The following LMO7 variants were observed in gnomAD, a reference collection of about 807,000 sequenced individuals.
LMO7 encodes the protein LIM domain only protein 7.
A neutral mutation model predicts 206.5 loss-of-function variants in LMO7; 120 were observed. The ratio of observed to expected loss-of-function variants is 0.58; its 90% CI spans 0.50 to 0.68. The LOEUF (loss-of-function observed/expected upper bound fraction) is 0.68, where lower values mean the gene tolerates loss of function less well. LMO7 is among the 30% of genes least tolerant of loss of function. The probability of loss-of-function intolerance (pLI) is 0.00; values close to 1 mark genes in which losing one functional copy is unlikely to be tolerated. For synonymous variants in LMO7, 706 were observed against 681.5 expected, an observed-to-expected ratio of 1.04 and a Z score of -0.56; for missense variants, 1,959 against 1,957.9, an observed-to-expected ratio of 1.00 and a Z score of -0.01.
chr13:75,771,990 C>G (rs922203210), intron 4 of LMO7, among the ~76,000 whole-genome samples: 5 of 152,056 alleles, frequency 3.3e-5, no homozygotes, highest in African/African-American at 1.2e-4. Flanking sequence ...ATAGTGCAGT[C>G]TAATTCCAGT....
rs1039719848 is a variant in LMO7, at chr13:75,745,711, T to C, written c.211-15221T>C. On this transcript the variant is annotated intron_variant, in intron 3 of 30. Transcript: ENST00000377534. Reference sequence around the variant, plus strand: ...GGGCCTCATCCAGTCATGGAAGGCCTGACTAGAAAAAAAGGCCAGCCCTCC... The same window carrying C: ...GGGCCTCATCCAGTCATGGAAGGCCCGACTAGAAAAAAAGGCCAGCCCTCC... 7.9e-4 allele frequency among the ~76,000 whole-genome samples: 120 copies of C among 152,194 alleles called. 8 individuals carry two copies. Among genetic ancestry groups the C allele is most frequent in the Non-Finnish European group, 1.2e-4 (8 of 68,030 alleles).
chr13:75,749,568 C>T (rs568320837), intron 3 of LMO7, among the ~76,000 whole-genome samples: 4 of 152,100 alleles, frequency 2.6e-5, no homozygotes, highest in South Asian at 2.1e-4. Flanking sequence ...TTTACCAGAA[C>T]GCTCAGCCCT....
chr13:75,727,783 AC>A (rs1333425309), intron 3 of LMO7, among the ~76,000 whole-genome samples: 1 of 112,074 alleles, frequency 8.9e-6, no homozygotes, highest in African/African-American at 3.4e-5. Context: ...CCCTCCCCCA[AC>A]CCCACAACAG....
At chr13:75,831,970 A>G (rs975669829) in intron 15 of LMO7, among the ~76,000 whole-genome samples, 2 of 152,174 alleles carry the variant, frequency 1.3e-5, no homozygotes. Context: ...AGAAAGCTTT[A>G]TGAAGTGCCC....
At chr13:75,776,161 G>GTATATATATA (rs2050379972) in intron 4 of LMO7, among the ~76,000 whole-genome samples, 1 of 16,876 alleles carries the variant, frequency 5.9e-5, no homozygotes, top group Non-Finnish European at 1.3e-4. Context: ...TATATATATC[G>GTATATATATA]GATATATATA....
At position 75,636,410 on chromosome 13, in the gene LMO7, C is replaced by T; in HGVS notation, c.-248C>T. The T allele has an allele frequency of 4.5e-6, 6 of 1,335,366 alleles. No homozygotes were observed. The highest frequency in any genetic ancestry group is 1.5e-5 in the African/African-American group (1 of 64,830). 82.7% of individuals were successfully genotyped at this position (1,335,366 alleles called of 1,614,324 possible). ...CGCGTCCTGCCTGACTGCCCGGGTCCCCGCGGGCCTTGGGTCGCTTTCAGG... is the reference window on the plus strand; with the variant it reads ...CGCGTCCTGCCTGACTGCCCGGGTCTCCGCGGGCCTTGGGTCGCTTTCAGG... On this transcript the variant is annotated 5_prime_UTR_variant, in exon 1 of 31. Coordinates refer to ENST00000377534, the MANE Select transcript of LMO7 (RefSeq NM_001306080.2).
At chr13:75,700,629 C>T (rs769317504) in intron 1 of LMO7, among the ~76,000 whole-genome samples, 2 of 152,224 alleles carry the variant, frequency 1.3e-5, no homozygotes, top group African/African-American at 2.4e-5. Flanking sequence ...ACTCTTTGTG[C>T]TTTGGCACCA....
chr13:75,764,789 TATC>T (rs1397867977), intron 4 of LMO7, among the ~76,000 whole-genome samples: 3 of 152,174 alleles, frequency 2.0e-5, no homozygotes, highest in East Asian at 3.9e-4. Context: ...CTGTTGATAA[TATC>T]ATTACAGAGT....
Position 75,672,109 on chromosome 13 carries a change from A to G in LMO7, c.69+35383A>G, listed in dbSNP as rs2039635631. On this transcript the variant is annotated intron_variant, in intron 1 of 30. Coordinates refer to ENST00000377534, the MANE Select transcript of LMO7 (RefSeq NM_001306080.2). ...ATCCCTGGATGTTCAAGTTCCTTATATAAGATTGTTAAACCTGCAGATACA... is the reference window on the plus strand; with the variant it reads ...ATCCCTGGATGTTCAAGTTCCTTATGTAAGATTGTTAAACCTGCAGATACA... Among the ~76,000 whole-genome samples, 3 of 152,184 alleles carry G rather than the reference A, an allele frequency of 2.0e-5. No individual in the cohort carries two copies. In the South Asian group the frequency reaches 6.2e-4, roughly 32 times the overall value.
chr13:75,828,732 G>A (rs2058362279), intron 15 of LMO7, among the ~76,000 whole-genome samples: 1 of 152,222 alleles, frequency 6.6e-6, no homozygotes, highest in South Asian at 2.1e-4. Flanking sequence ...AGGCAAGAGA[G>A]TAACTTAGGA....
chr13:75,814,828 C>T (rs2056807807), intron 11 of LMO7, among the ~76,000 whole-genome samples: 1 of 151,980 alleles, frequency 6.6e-6, no homozygotes, highest in Non-Finnish European at 1.5e-5. Context: ...GAGAGAGAAG[C>T]TATGTGGATA....
chr13:75,624,282 T>C (rs1299339955), intron 2 of LMO7, among the ~76,000 whole-genome samples: 1 of 152,234 alleles, frequency 6.6e-6, no homozygotes, highest in Non-Finnish European at 1.5e-5. Flanking sequence ...TGTAAACCTA[T>C]ATTTTGAATA....
Position 75,805,350 on chromosome 13 carries a change from G to A in LMO7, c.915-129G>A, listed in dbSNP as rs1402527877. On this transcript the variant is annotated intron_variant, in intron 8 of 30. Transcript: ENST00000377534. ...TAACTTTGTCCTAGGAGCTGTGGTG[G>A]TGATGAGAATGGAAACTAATTTGCT... 5 of 1,056,356 alleles carry A rather than the reference G, an allele frequency of 4.7e-6. No homozygotes were observed. The Admixed American group carries it at 1.4e-4, about 29-fold the overall frequency. The allele number at this position is 1,056,356 out of a possible 1,614,324, so 65.4% of individuals were successfully genotyped here. A position where few individuals can be genotyped will look rare whatever the true frequency, so the allele number is the denominator to read the frequency against.
chr13:75,825,651 C>T (rs574675027), intron 15 of LMO7, among the ~76,000 whole-genome samples: 8 of 152,262 alleles, frequency 5.3e-5, no homozygotes, highest in South Asian at 4.1e-4. Flanking sequence ...TGGTGACTTA[C>T]GTATCTCTGA....
intron 2 of LMO7, among the ~76,000 whole-genome samples, chr13:75,723,749 G>A (rs900284924): frequency 1.3e-5 from 2 of 152,188 alleles, no homozygotes; most frequent in African/African-American, 4.8e-5. Flanking sequence ...CAATTTGAAA[G>A]TAAGGGAGGG....
chr13:75,626,157 A>G (rs2034042128), intron 2 of LMO7, among the ~76,000 whole-genome samples: 1 of 152,188 alleles, frequency 6.6e-6, no homozygotes, highest in South Asian at 2.1e-4. Flanking sequence ...CCTTTCCTTT[A>G]AAAAATGTTT....
In LMO7 at chr13:75,743,563, G is replaced by A. The variant is rs930625457; in HGVS notation, c.210+16465G>A. ...TGTCCTTTGCAGGGACATGAGTGGA[G>A]CTGGAGGCCATTATCCTTAGCAAAC... On this transcript the variant is annotated intron_variant, in intron 3 of 30. Coordinates refer to ENST00000377534, the MANE Select transcript of LMO7 (RefSeq NM_001306080.2). 1.1e-4 allele frequency among the ~76,000 whole-genome samples: 17 copies of A among 152,192 alleles called. 1 individual carries two copies. Among genetic ancestry groups the A allele is most frequent in the Non-Finnish European group, 1.5e-5 (1 of 68,026 alleles).
chr13:75,799,703 T>C (rs1217691811), intron 6 of LMO7, among the ~76,000 whole-genome samples: 1 of 152,218 alleles, frequency 6.6e-6, no homozygotes, highest in African/African-American at 2.4e-5. Context: ...TAAGCTCATC[T>C]GAAAGTAACA....
At chr13:75,857,896 C>G in intron 30 of LMO7, 25 bp from the exon 31 acceptor site, 2 of 1,563,858 alleles carry the variant, frequency 1.3e-6, no homozygotes, top group Admixed American at 1.9e-5. Flanking sequence ...AAGCACTTTT[C>G]TTTCTTTTCT....
Sources: allele counts gnomAD v4.1 joint callset (sites outside exome capture counted in the v4.1 genomes callset), GRCh38; gene constraint gnomAD v4.1.1; transcripts MANE v1.5; gene names NCBI Gene and HGNC (gene_info 2026-07-23, HGNC 2026-07-21).